The following CDNF variants were observed in gnomAD, a reference collection of about 807,000 sequenced individuals.
The protein encoded by CDNF is cerebral dopamine neurotrophic factor, also known as ARMET-like protein 1.
A neutral mutation model predicts 14.8 loss-of-function variants in CDNF; 9 were observed. That is an observed-to-expected ratio of 0.61 (90% CI 0.37 to 1.06). The LOEUF is 1.06. Ranked by LOEUF, CDNF falls within the 50% of genes least tolerant of loss-of-function variation. The probability of loss-of-function intolerance (pLI) is 0.01; values close to 1 mark genes in which losing one functional copy is unlikely to be tolerated. For missense variants in CDNF, 228 were observed against 228.4 expected (o/e 1.00, Z 0.01); for synonymous variants, 86 against 87.2 (o/e 0.99, Z 0.07).
intron 1 of CDNF, among the ~76,000 whole-genome samples, chr10:14,828,579 G>A (rs1833818718): frequency 1.3e-5 from 2 of 151,890 alleles, no homozygotes; most frequent in African/African-American, 4.8e-5. Flanking sequence ...CCCAGCAGGT[G>A]GAGATTGCAG....
chr10:14,826,029 G>GAGAAGGAGAAGA lies in CDNF; in HGVS notation c.244-410_244-409insTCTTCTCCTTCT, dbSNP rs1554764000. Among the ~76,000 whole-genome samples the GAGAAGGAGAAGA allele has an allele frequency of 1.7e-3, 146 of 86,188 alleles. 3 individuals are homozygous for GAGAAGGAGAAGA. Among genetic ancestry groups the GAGAAGGAGAAGA allele is most frequent in the African/African-American group, 6.9e-3 (134 of 19,292 alleles). 56.5% of individuals were successfully genotyped at this position (86,188 alleles called of 152,430 possible). On this transcript the variant is annotated intron_variant, in intron 2 of 3. Transcript: ENST00000465530. ...GAAGCAGAAGCAGAAGAAGAAGAAG[G>GAGAAGGAGAAGA]AGAAGAAGAAGAAGAAGAAGAAGAA...
intron 3 of CDNF, among the ~76,000 whole-genome samples, chr10:14,822,543 T>C (rs930200003): frequency 1.6e-4 from 24 of 151,592 alleles, no homozygotes; most frequent in Admixed American, 1.4e-3. Context: ...GCCACTGCAC[T>C]CCAGCATGGG....
chr10:14,829,615 CAG>C (rs1833827234), intron 1 of CDNF, among the ~76,000 whole-genome samples: 1 of 150,882 alleles, frequency 6.6e-6, no homozygotes, highest in African/African-American at 2.4e-5. Flanking sequence ...CTGAAGTCTT[CAG>C]AGTTTTTTTT....
rs749259257 is a variant in CDNF, at chr10:14,828,289, A to C, written c.116-17T>G. On this transcript the variant is annotated splice_polypyrimidine_tract_variant and intron_variant, in intron 1 of 3. Coordinates refer to ENST00000465530, the MANE Select transcript of CDNF (RefSeq NM_001029954.3). ...CTTTACATACTGGAAGGAACAAATA[A>C]ATATGTCTGCATGCACAACTTAACC... The C allele has an allele frequency of 6.2e-7, 1 of 1,612,428 alleles. No homozygotes were observed. Among genetic ancestry groups the C allele is most frequent in the Non-Finnish European group, 8.5e-7 (1 of 1,179,084 alleles).
chr10:14,824,872 C>T (rs961330616), intron 3 of CDNF, among the ~76,000 whole-genome samples: 3 of 152,094 alleles, frequency 2.0e-5, no homozygotes, highest in African/African-American at 4.8e-5. Flanking sequence ...AGTAGCTGCT[C>T]TCTCTATATG....
Position 14,819,795 on chromosome 10 carries a change from G to A in CDNF, c.*185C>T, listed in dbSNP as rs1429157830. On this transcript the variant is annotated 3_prime_UTR_variant, in exon 4 of 4. Coordinates refer to ENST00000465530, the MANE Select transcript of CDNF (RefSeq NM_001029954.3). Reference sequence around the variant, plus strand: ...TTTTAGCTTTTGGTACACTGCAAATGTAAGTTATCAGTAGTATTAGTTTCA... The same window carrying A: ...TTTTAGCTTTTGGTACACTGCAAATATAAGTTATCAGTAGTATTAGTTTCA... 3.6e-6 allele frequency: 2 copies of A among 551,328 alleles called. No homozygotes were observed. Among genetic ancestry groups the A allele is most frequent in the Non-Finnish European group, 6.2e-6 (2 of 320,788 alleles). The allele number at this position is 551,328 out of a possible 1,614,324, so 34.2% of individuals were successfully genotyped here.
chr10:14,837,828 T>A lies in CDNF; in HGVS notation c.115+4A>T. ...GCCATGCAAGCAGTTGTCACACCGC[T>A]CACCTTCACAGTCGGCCCCTGGCCG... On this transcript the variant is annotated splice_donor_region_variant and intron_variant, in intron 1 of 3. Transcript: ENST00000465530. 1.9e-6 allele frequency: 3 copies of A among 1,563,828 alleles called. No homozygotes were observed. The highest frequency in any genetic ancestry group is 2.6e-6 in the Non-Finnish European group (3 of 1,151,566).
chr10:14,824,748 T>C (rs1833765306), intron 3 of CDNF, among the ~76,000 whole-genome samples: 1 of 152,134 alleles, frequency 6.6e-6, no homozygotes, highest in African/African-American at 2.4e-5. Flanking sequence ...GGCAGAATGG[T>C]AGCTCTGCCT....
At position 14,832,599 on chromosome 10, in the gene CDNF, A is replaced by C. The variant is rs570387426; in HGVS notation, c.116-4327T>G. 9.7e-4 allele frequency among the ~76,000 whole-genome samples: 148 copies of C among 152,350 alleles called. 1 individual carries two copies. The highest frequency in any genetic ancestry group is 3.4e-3 in the African/African-American group (143 of 41,580). ...GGTTCTCAAAATAGTTGCATCTCTT[A>C]GACCAGGGCAGTAGCTACAGCAGTC... On this transcript the variant is annotated intron_variant, in intron 1 of 3. Transcript: ENST00000465530.
At chr10:14,826,785 C>A (rs1425182125) in intron 2 of CDNF, among the ~76,000 whole-genome samples, 2 of 152,170 alleles carry the variant, frequency 1.3e-5, no homozygotes, top group Non-Finnish European at 2.9e-5. Context: ...TATACCCAAG[C>A]CAACTGAAGG....
intron 2 of CDNF, among the ~76,000 whole-genome samples, chr10:14,827,804 A>G (rs1455273696): frequency 2.0e-5 from 3 of 152,174 alleles, no homozygotes; most frequent in Non-Finnish European, 4.4e-5. Flanking sequence ...AGGCACAAGA[A>G]TGCTTTGAAC....
rs186060600 is a variant in CDNF, at chr10:14,822,595, C to A, written c.386-2437G>T. Among the ~76,000 whole-genome samples the A allele has an allele frequency of 1.3e-3, 190 of 151,600 alleles. 1 individual carries two copies. Among genetic ancestry groups the A allele is most frequent in the African/African-American group, 4.5e-3 (185 of 41,406 alleles). ...TCAAAAAAAAAAAAAGTGTCTTTTG[C>A]CCCTCCCCGCTTGTCCGGTGTTCAC... On this transcript the variant is annotated intron_variant, in intron 3 of 3. Transcript: ENST00000465530.
In CDNF at chr10:14,826,143, GAGAAGGAGA is replaced by G. The variant is rs1564313550; in HGVS notation, c.244-532_244-524del. 2.2e-5 allele frequency among the ~76,000 whole-genome samples: 3 copies of G among 135,718 alleles called. 1 individual carries two copies. Among genetic ancestry groups the G allele is most frequent in the African/African-American group, 9.1e-5 (3 of 32,818 alleles). The allele number at this position is 135,718 out of a possible 152,430, so 89.0% of individuals were successfully genotyped here. ...GCAGCAGAAGCAGGAGAAGGAGAAGGAGAAGGAGAAGAAGAAGAAGAAGCAGAAGCAGCA... is the reference window on the plus strand; with the variant it reads ...GCAGCAGAAGCAGGAGAAGGAGAAGGAGAAGAAGAAGAAGCAGAAGCAGCA... On this transcript the variant is annotated intron_variant, in intron 2 of 3. Transcript: ENST00000465530.
intron 2 of CDNF, among the ~76,000 whole-genome samples, chr10:14,826,726 T>C (rs1169161006): frequency 2.6e-5 from 4 of 152,186 alleles, no homozygotes; most frequent in Non-Finnish European, 5.9e-5. Flanking sequence ...TTAACTTATT[T>C]ATGTCTCACA....
chr10:14,826,092 AAGAAGCAGCAGCAGCAGCAGCAGCAGC>A (rs1833783998), intron 2 of CDNF, among the ~76,000 whole-genome samples: 1 of 110,980 alleles, frequency 9.0e-6, no homozygotes, highest in Non-Finnish European at 2.0e-5. Context: ...GAAGAAGAAG[AAGAAGCAGCAGCAGCAGCAGCAGCAGC>A]AGCAGAAGCA....
In CDNF at chr10:14,828,191, TC is replaced by T; in HGVS notation, c.196del (p.Glu66AsnfsTer2). On this transcript the variant is annotated frameshift_variant, in exon 2 of 4. Transcript: ENST00000465530. LOFTEE classifies it high-confidence loss of function. ...VNFSLDTIEK[E>X]LISFCLDTKG... is the part of the protein sequence containing the mutation. ...GGTGTCCAAGCAAAAACTGATCAAT[TC>T]TTTCTCTATAGTGTCCAGCGAAAAG... The T allele has an allele frequency of 6.2e-7, 1 of 1,613,872 alleles. No homozygotes were observed. Among genetic ancestry groups the T allele is most frequent in the Non-Finnish European group, 8.5e-7 (1 of 1,179,760 alleles).
intron 3 of CDNF, among the ~76,000 whole-genome samples, chr10:14,823,097 T>C (rs1011193661): frequency 1.3e-5 from 2 of 151,196 alleles, no homozygotes; most frequent in African/African-American, 4.9e-5. Context: ...AGCACAAAGG[T>C]CCCTGTTTAA....
At position 14,838,019 on chromosome 10, in the gene CDNF, A is replaced by G. The variant is rs1833911456; in HGVS notation, c.-73T>C. ...ACCAAGCTGCCAAAGCGAGCTGAGC[A>G]GAATTCGAGGTTGGAAAGAATCTGC... On this transcript the variant is annotated 5_prime_UTR_variant, in exon 1 of 4. Transcript: ENST00000465530. 8.6e-7 allele frequency: 1 copy of G among 1,157,774 alleles called. No homozygotes were observed. Among genetic ancestry groups the G allele is most frequent in the South Asian group, 1.3e-5 (1 of 75,260 alleles). The allele number at this position is 1,157,774 out of a possible 1,614,324, so 71.7% of individuals were successfully genotyped here.
At chr10:14,831,061 T>A (rs1026988388) in intron 1 of CDNF, among the ~76,000 whole-genome samples, 1 of 152,166 alleles carries the variant, frequency 6.6e-6, no homozygotes, top group African/African-American at 2.4e-5. Context: ...TCAGTAAAAA[T>A]GTTCAAGTGA....
Sources: allele counts gnomAD v4.1 joint callset (sites outside exome capture counted in the v4.1 genomes callset), GRCh38; gene constraint gnomAD v4.1.1; transcripts MANE v1.5; gene names NCBI Gene and HGNC (gene_info 2026-07-23, HGNC 2026-07-21).